ATP11A: variants seen among roughly 807,000 people sequenced by gnomAD.
The protein encoded by ATP11A is ATPase phospholipid transporting 11A.
Under a neutral mutation model 154.4 loss-of-function variants are expected in ATP11A, and 81 were observed. The observed-to-expected ratio is 0.52, with a 90% CI of 0.44 to 0.63. ATP11A has a LOEUF of 0.63. Among genes scored for constraint, ATP11A ranks in the 30% least tolerant of loss-of-function variants. The pLI is 0.00. For missense variants in ATP11A, 1,316 were observed against 1,474.3 expected (o/e 0.89, Z 1.76); for synonymous variants, 623 against 585.9 (o/e 1.06, Z -0.91).
At chr13:112,700,974 G>A (rs1254038393) in intron 1 of ATP11A, among the ~76,000 whole-genome samples, 5 of 152,294 alleles carry the variant, frequency 3.3e-5, no homozygotes, top group East Asian at 1.9e-4. Context: ...AGACTTCCAC[G>A]TTAGCGCTGT....
chr13:112,808,471 C>T (rs1030611177), intron 4 of ATP11A, among the ~76,000 whole-genome samples: 3 of 151,536 alleles, frequency 2.0e-5, no homozygotes, highest in African/African-American at 4.8e-5. Context: ...TGCCAGAGCC[C>T]CCCCACCCCC....
At chr13:112,723,600 C>T (rs1334088935) in intron 1 of ATP11A, among the ~76,000 whole-genome samples, 1 of 151,426 alleles carries the variant, frequency 6.6e-6, no homozygotes, top group Non-Finnish European at 1.5e-5. Flanking sequence ...TTTATGATCT[C>T]TGTATTGATG....
At chr13:112,835,529 T>G (rs2079208992) in intron 15 of ATP11A, among the ~76,000 whole-genome samples, 1 of 152,134 alleles carries the variant, frequency 6.6e-6, no homozygotes. Context: ...TTTGCAGCCG[T>G]GGAGGTAGTG....
chr13:112,749,088 G>A (rs2076627812), intron 1 of ATP11A, among the ~76,000 whole-genome samples: 3 of 152,222 alleles, frequency 2.0e-5, no homozygotes, highest in Non-Finnish European at 4.4e-5. Flanking sequence ...CAGGGCAGGT[G>A]GCTGCAGCGT....
rs1428072427 is a variant in ATP11A, at chr13:112,746,821, G to A, written c.40-38314G>A. ...GATCCTCCTACGTTGACCTCCCTAA[G>A]TGCTGGGATTACAGCTGTGAGCTGC... On this transcript the variant is annotated intron_variant, in intron 1 of 29. Coordinates refer to ENST00000375645, the MANE Select transcript of ATP11A (RefSeq NM_015205.3). This position sits in a 1 kb window ranked among gnomAD's most constrained non-coding sequence, Gnocchi z 4.1. The A allele has an allele frequency of 6.6e-6, 1 of 151,966 alleles. No homozygotes were observed. The highest frequency in any genetic ancestry group is 1.5e-5 in the Non-Finnish European group (1 of 68,016). 9.4% of individuals were successfully genotyped at this position (151,966 alleles called of 1,614,324 possible). A position where few individuals can be genotyped will look rare whatever the true frequency, so the allele number is the denominator to read the frequency against.
intron 1 of ATP11A, among the ~76,000 whole-genome samples, chr13:112,722,697 A>C (rs74912222): frequency 0.043 from 6,517 of 152,274 alleles, 477 homozygotes; most frequent in African/African-American, 0.15. Flanking sequence ...TTACATACGT[A>C]AAATACTTTA....
chr13:112,806,819 C>A (rs2078334803), intron 4 of ATP11A, among the ~76,000 whole-genome samples: 1 of 152,296 alleles, frequency 6.6e-6, no homozygotes, highest in South Asian at 2.1e-4. Flanking sequence ...CCTCCCCGTC[C>A]CTGGCAAAGA....
At chr13:112,848,525 A>T (rs1429410708) in intron 17 of ATP11A, among the ~76,000 whole-genome samples, 1 of 152,166 alleles carries the variant, frequency 6.6e-6, no homozygotes, top group African/African-American at 2.4e-5. Flanking sequence ...CATCCTTTCT[A>T]ATGTGGAAAC....
chr13:112,702,345 CAAA>C (rs35687422), intron 1 of ATP11A, among the ~76,000 whole-genome samples: 1 of 121,756 alleles, frequency 8.2e-6, no homozygotes, highest in Non-Finnish European at 1.7e-5. Flanking sequence ...GATTCTGTCT[CAAA>C]AAAAAAAAAA....
At chr13:112,836,924 C>A (rs1233443938) in intron 16 of ATP11A, among the ~76,000 whole-genome samples, 1 of 152,230 alleles carries the variant, frequency 6.6e-6, no homozygotes, top group Non-Finnish European at 1.5e-5. Flanking sequence ...CATCTGTGGT[C>A]CCCTGACCTC....
rs760205285 is a variant in ATP11A, at chr13:112,802,017, C to T, written c.163-2940C>T. ...CACTTTAGGACTTACTGTAAAACTA[C>T]GGTAATCAAGACAGTGTGGTGTTGC... On this transcript the variant is annotated intron_variant, in intron 2 of 29. Coordinates refer to ENST00000375645, the MANE Select transcript of ATP11A (RefSeq NM_015205.3). Among the ~76,000 whole-genome samples the T allele has an allele frequency of 3.7e-4, 57 of 152,154 alleles. 1 individual carries two copies. Among genetic ancestry groups the T allele is most frequent in the South Asian group, 1.2e-3 (6 of 4,818 alleles).
intron 1 of ATP11A, among the ~76,000 whole-genome samples, chr13:112,726,871 A>G (rs192747060): frequency 6.6e-6 from 1 of 152,356 alleles, no homozygotes; most frequent in Non-Finnish European, 1.5e-5. Flanking sequence ...CTCTGAATAA[A>G]TAATTGTAAA....
intron 19 of ATP11A, among the ~76,000 whole-genome samples, chr13:112,855,205 G>GT (rs1039354426): frequency 3.3e-5 from 5 of 152,152 alleles, no homozygotes; most frequent in African/African-American, 4.8e-5. Context: ...TTTTTTTGTT[G>GT]TTTTTTGTTT....
intron 16 of ATP11A, among the ~76,000 whole-genome samples, chr13:112,840,620 T>C (rs1436367388): frequency 6.6e-6 from 1 of 151,186 alleles, no homozygotes; most frequent in African/African-American, 2.4e-5. Flanking sequence ...GTTTGCTGCA[T>C]GTATTGGCAA....
intron 1 of ATP11A, among the ~76,000 whole-genome samples, chr13:112,738,811 C>T (rs996140365): frequency 5.9e-5 from 9 of 152,008 alleles, no homozygotes; most frequent in African/African-American, 1.7e-4. Flanking sequence ...TCTCCTGCCC[C>T]GCCCCTACAG....
intron 25 of ATP11A, 135 bp downstream of exon 25, chr13:112,862,710 G>C: frequency 8.8e-7 from 1 of 1,141,724 alleles, no homozygotes; most frequent in Non-Finnish European, 1.2e-6. Context: ...CACCTGCGCA[G>C]TAATTCAGTG....
Position 112,775,735 on chromosome 13 carries a change from G to A in ATP11A, c.40-9400G>A, listed in dbSNP as rs776238560. Among the ~76,000 whole-genome samples, 22 of 152,112 alleles carry A rather than the reference G, an allele frequency of 1.4e-4. 1 individual carries two copies. The highest frequency in any genetic ancestry group is 2.1e-4 in the Non-Finnish European group (14 of 68,018). ...ATGCCCCCCCCGCCTGTAAGTGGGT[G>A]TATCTGGAGAGGTGTCATCCTTCCT... is the stretch of plus-strand genomic sequence containing the variant. On this transcript the variant is annotated intron_variant, in intron 1 of 29. Transcript: ENST00000375645.
intron 1 of ATP11A, among the ~76,000 whole-genome samples, chr13:112,765,151 T>TCCCCC (rs5806961): frequency 3.2e-4 from 40 of 123,534 alleles, no homozygotes; most frequent in Admixed American, 5.6e-4. Flanking sequence ...TTGCCCCCCC[T>TCCCCC]CCCCCCCGCC....
intron 28 of ATP11A, among the ~76,000 whole-genome samples, chr13:112,876,990 C>A (rs1399613325): frequency 6.6e-6 from 1 of 152,232 alleles, no homozygotes; most frequent in Non-Finnish European, 1.5e-5. Flanking sequence ...ATGTTGAAAC[C>A]GATGCCACCA....
Sources: gnomAD v4.1 joint callset for allele counts (sites outside exome capture counted in the v4.1 genomes callset) on GRCh38, gnomAD v4.1.1 for gene constraint, Gnocchi (gnomAD v3.1) non-coding constraint, MANE v1.5 for transcripts, NCBI Gene and HGNC (gene_info 2026-07-23, HGNC 2026-07-21) for gene names.